The following PI4K2A variants were observed in gnomAD, a reference collection of about 807,000 sequenced individuals.
PI4K2A encodes the protein phosphatidylinositol 4-kinase type 2-alpha.
PI4K2A carries 20 observed loss-of-function variants against 55.0 expected under a neutral mutation model. That is an observed-to-expected ratio of 0.36 (90% CI 0.26 to 0.53). The LOEUF is 0.53. Among genes scored for constraint, PI4K2A ranks in the 20% least tolerant of loss-of-function variants. PI4K2A has a pLI of 0.91. For missense variants in PI4K2A, 463 were observed against 637.1 expected, an observed-to-expected ratio of 0.73 and a Z score of 2.94; for synonymous variants, 235 against 258.5, an observed-to-expected ratio of 0.91 and a Z score of 0.87.
At chr10:97,644,538 T>C (rs917313799) in intron 1 of PI4K2A, among the ~76,000 whole-genome samples, 1 of 152,188 alleles carries the variant, frequency 6.6e-6, no homozygotes, top group African/African-American at 2.4e-5. Context: ...GCATGACATT[T>C]CACTTTATTG....
chr10:97,656,428 C>A lies in PI4K2A; in HGVS notation c.768+12C>A, dbSNP rs1370712864. On this transcript the variant is annotated intron_variant, in intron 3 of 8. Coordinates refer to ENST00000370631, the Ensembl canonical transcript of PI4K2A. The surrounding 1 kb of genome is among the most constrained non-coding windows in gnomAD (Gnocchi z 4.5). The stretch of plus-strand genomic sequence containing the variant: ...GGCTACCACCAAAGGTATAGACGCA[C>A]CTCTGGCTTATCAAGGGTCATGATT... The A allele has an allele frequency of 6.2e-7, 1 of 1,612,760 alleles. No homozygotes were observed. The highest frequency in any genetic ancestry group is 1.7e-5 in the Admixed American group (1 of 59,978).
chr10:97,663,520 T>C (rs939520325), intron 5 of PI4K2A, among the ~76,000 whole-genome samples: 2 of 151,484 alleles, frequency 1.3e-5, no homozygotes, highest in Admixed American at 6.6e-5. Flanking sequence ...TTCTTTCTTT[T>C]TTTTTTTTTT....
exon 9 of PI4K2A, chr10:97,675,336 C>T (rs7904123): frequency 0.015 from 2,270 of 152,568 alleles, 57 homozygotes; most frequent in African/African-American, 0.05. Context: ...ACCAAGAGTC[C>T]ACTTGTCCCG....
chr10:97,653,427 A>G (rs574736514), intron 2 of PI4K2A, among the ~76,000 whole-genome samples: 28 of 152,366 alleles, frequency 1.8e-4, no homozygotes, highest in Admixed American at 3.9e-4. Context: ...GCCTATATGA[A>G]GCACATAGCT....
Position 97,642,928 on chromosome 10 carries a change from T to TTCCTTCCTTCCTTCCTTC in PI4K2A, c.435+1751_435+1752insTCCTTCCTTCCTTCCTTC, listed in dbSNP as rs1564772434. On this transcript the variant is annotated intron_variant, in intron 1 of 8. Transcript: ENST00000370631. ...TCCTTCCTTCCTTCCTTCCTTCCTT[T>TTCCTTCCTTCCTTCCTTC]CTTTCCTTTCTTTCTTTCTCTTTCT... is the stretch of plus-strand genomic sequence containing the variant. 3.4e-5 allele frequency among the ~76,000 whole-genome samples: 4 copies of TTCCTTCCTTCCTTCCTTC among 118,016 alleles called. 1 individual carries two copies. Among genetic ancestry groups the TTCCTTCCTTCCTTCCTTC allele is most frequent in the African/African-American group, 1.3e-4 (3 of 23,560 alleles). The allele number at this position is 118,016 out of a possible 152,430, so 77.4% of individuals were successfully genotyped here.
At chr10:97,651,382 TC>T (rs2041529497) in intron 2 of PI4K2A, among the ~76,000 whole-genome samples, 1 of 152,190 alleles carries the variant, frequency 6.6e-6, no homozygotes, top group African/African-American at 2.4e-5. Flanking sequence ...TTCACAAACT[TC>T]TACTGCATGT....
At chr10:97,659,386 ATTAG>A (rs2041570018) in intron 4 of PI4K2A, among the ~76,000 whole-genome samples, 1 of 149,682 alleles carries the variant, frequency 6.7e-6, no homozygotes, top group African/African-American at 2.4e-5. Context: ...TTCCTGAATT[ATTAG>A]TTCTAGTAGT....
intron 2 of PI4K2A, among the ~76,000 whole-genome samples, chr10:97,652,185 A>G (rs1380980306): frequency 6.6e-6 from 1 of 152,104 alleles, no homozygotes; most frequent in Non-Finnish European, 1.5e-5. Flanking sequence ...TATATTTGCA[A>G]TTATTGTTTT....
chr10:97,642,812 TTC>T, intron 1 of PI4K2A, among the ~76,000 whole-genome samples: 1 of 9,752 alleles, frequency 1.0e-4, no homozygotes, highest in Non-Finnish European at 2.1e-4. Flanking sequence ...TCTTTCTTCC[TTC>T]CTTCCTTCCT....
At position 97,656,331 on chromosome 10, in the gene PI4K2A, G is replaced by A; in HGVS notation, c.683G>A (p.Arg228Gln). Reference sequence around the variant, plus strand: ...ACCTTCAACTATAGTGCCATTGACCGAGTGAAGTCCAGGGGCAAGCGGCTT... The same window carrying A: ...ACCTTCAACTATAGTGCCATTGACCAAGTGAAGTCCAGGGGCAAGCGGCTT... The change falls in exon 3 of 9, where the codon CGA (arginine) becomes CAA (glutamine). Residue 228 changes from arginine to glutamine, a missense_variant. Arg to Gln is a conservative substitution (Grantham distance 43). This residue lies in a region of PI4K2A where 277 missense variants were observed against 432.6 expected (regional missense o/e 0.64). Coordinates refer to ENST00000370631, the Ensembl canonical transcript of PI4K2A. This position sits in a 1 kb window ranked among gnomAD's most constrained non-coding sequence, Gnocchi z 4.5. 1.2e-6 allele frequency: 2 copies of A among 1,613,444 alleles called. No homozygotes were observed. The highest frequency in any genetic ancestry group is 1.7e-6 in the Non-Finnish European group (2 of 1,179,402).
chr10:97,666,879 A>G (rs926095087), intron 7 of PI4K2A, among the ~76,000 whole-genome samples, 182 bp from the exon 8 acceptor site: 3 of 152,142 alleles, frequency 2.0e-5, no homozygotes, highest in African/African-American at 7.2e-5. Flanking sequence ...AGAGGAAGAT[A>G]TTGACTTGTT....
rs1464074538 is a variant in PI4K2A at position 97,656,008 on chromosome 10, T to A, written c.637-277T>A. ...GCTCTGCTATTTCCCAGCCCTTCTT[T>A]CCTAGCTGCACAGACTGGAGAATGT... On this transcript the variant is annotated intron_variant, in intron 2 of 8. Coordinates refer to ENST00000370631, the Ensembl canonical transcript of PI4K2A. The surrounding 1 kb of genome is among the most constrained non-coding windows in gnomAD (Gnocchi z 4.5). 6.6e-6 allele frequency among the ~76,000 whole-genome samples: 1 copy of A among 152,206 alleles called. No homozygotes were observed. Among genetic ancestry groups the A allele is most frequent in the Non-Finnish European group, 1.5e-5 (1 of 68,044 alleles).
At chr10:97,659,408 TTG>T (rs1317755948) in intron 4 of PI4K2A, among the ~76,000 whole-genome samples, 2 of 152,132 alleles carry the variant, frequency 1.3e-5, no homozygotes, top group African/African-American at 4.8e-5. Context: ...AGTTATTTTT[TTG>T]TGTGGAAATT....
At chr10:97,649,662 C>G (rs2041521696) in intron 1 of PI4K2A, among the ~76,000 whole-genome samples, 1 of 107,612 alleles carries the variant, frequency 9.3e-6, no homozygotes, top group South Asian at 3.3e-4. Flanking sequence ...TTGGTCTTGT[C>G]ACCCAGGCTG....
intron 1 of PI4K2A, among the ~76,000 whole-genome samples, chr10:97,649,996 G>A (rs997659636): frequency 1.3e-5 from 2 of 152,018 alleles, no homozygotes; most frequent in African/African-American, 2.4e-5. Context: ...GAACAACAGT[G>A]TGCATAATGT....
chr10:97,660,250 C>T (rs2041575095), intron 4 of PI4K2A, among the ~76,000 whole-genome samples: 1 of 148,932 alleles, frequency 6.7e-6, no homozygotes. Flanking sequence ...ATCTGCCCGC[C>T]TTGGCCTCCC....
At chr10:97,668,876 T>C (rs1462029268) in intron 8 of PI4K2A, among the ~76,000 whole-genome samples, 2 of 151,900 alleles carry the variant, frequency 1.3e-5, no homozygotes, top group Non-Finnish European at 2.9e-5. Context: ...AGGTTTTTTT[T>C]TTCTTTTGAG....
intron 8 of PI4K2A, among the ~76,000 whole-genome samples, chr10:97,670,350 A>G (rs762729247): frequency 6.6e-6 from 1 of 152,110 alleles, no homozygotes; most frequent in Non-Finnish European, 1.5e-5. Flanking sequence ...TTTAATTTGG[A>G]AATTTTCAAA....
chr10:97,647,073 G>T (rs992216672), intron 1 of PI4K2A, among the ~76,000 whole-genome samples: 1 of 151,942 alleles, frequency 6.6e-6, no homozygotes, highest in Non-Finnish European at 1.5e-5. Context: ...GAGCCACTGC[G>T]CTGGGCTCAG....
Sources: allele counts gnomAD v4.1 joint callset (sites outside exome capture counted in the v4.1 genomes callset), GRCh38; gene constraint gnomAD v4.1.1; regional missense constraint gnomAD v4.1.1; non-coding constraint Gnocchi (gnomAD v3.1); transcripts MANE v1.5; gene names NCBI Gene and HGNC (gene_info 2026-07-23, HGNC 2026-07-21).